SIGLEC5: variants seen among roughly 807,000 people sequenced by gnomAD.
The protein encoded by SIGLEC5 is sialic acid-binding Ig-like lectin 5.
A neutral mutation model predicts 45.9 loss-of-function variants in SIGLEC5; 34 were observed. That is an observed-to-expected ratio of 0.74 (90% CI 0.56 to 0.99). SIGLEC5 has a LOEUF of 0.99. SIGLEC5 is among the 50% of genes least tolerant of loss of function. SIGLEC5 has a pLI of 0.00. For synonymous variants in SIGLEC5, 203 were observed against 258.6 expected (o/e 0.79, Z 2.06); for missense variants, 508 against 629.6 (o/e 0.81, Z 2.07).
At chr19:51,622,502 T>C (rs1020143574) in intron 8 of SIGLEC5, among the ~76,000 whole-genome samples, 11 of 151,374 alleles carry the variant, frequency 7.3e-5, no homozygotes, top group African/African-American at 1.2e-4. Context: ...CAAGATACTA[T>C]TGAAGGAGAT....
chr19:51,628,778 G>A (rs1345128149), intron 4 of SIGLEC5, among the ~76,000 whole-genome samples: 1 of 144,100 alleles, frequency 6.9e-6, no homozygotes, highest in Non-Finnish European at 1.5e-5. Context: ...GTGTGTGTGT[G>A]GTGTATTGCA....
chr19:51,617,847 AAC>A (rs1236712752), intron 8 of SIGLEC5, among the ~76,000 whole-genome samples: 1 of 152,168 alleles, frequency 6.6e-6, no homozygotes, highest in Non-Finnish European at 1.5e-5. Flanking sequence ...TGTTCATAAT[AAC>A]ACAGAACAAA....
In SIGLEC5 at chr19:51,629,048, C is replaced by T. The variant is rs1983623206; in HGVS notation, c.729G>A (p.Arg243=). The change falls in exon 4 of 9, where the codon AGG becomes AGA. Residue 243 remains arginine, a synonymous_variant. Transcript: ENST00000683636. The part of the protein sequence containing the change: ...SYAPQTITIF[R]NGIALEILQN... ...GGAGGTCTTTCCTACCTATGCCGTT[C>T]CTGAAGATGGTGATGGTCTGTGGAG... 1.2e-6 allele frequency: 2 copies of T among 1,613,838 alleles called. No individual in the cohort carries two copies. Among genetic ancestry groups the T allele is most frequent in the Middle Eastern group, 1.7e-4 (1 of 6,058 alleles).
Position 51,612,005 on chromosome 19 carries a change from A to G in SIGLEC5, c.*226T>C, listed in dbSNP as rs576600267. 2.1e-3 allele frequency: 743 copies of G among 346,418 alleles called. 1 individual carries two copies. The highest frequency in any genetic ancestry group is 3.1e-3 in the Admixed American group (66 of 21,176). The allele number at this position is 346,418 out of a possible 1,614,324, so 21.5% of individuals were successfully genotyped here. ...AGCATGCATGATCTCTGATTTACAG[A>G]ATGGGAAACTGAGGCACAGAGGGAT... On this transcript the variant is annotated 3_prime_UTR_variant, in exon 9 of 9. Transcript: ENST00000683636.
In SIGLEC5 at chr19:51,623,078, G is replaced by A. The variant is rs565280022; in HGVS notation, c.1464+2954C>T. On this transcript the variant is annotated intron_variant, in intron 8 of 8. Transcript: ENST00000683636. Reference sequence around the variant, plus strand: ...AACTCAACGGATCAATGCTTGAGGGGCTGGGTACCCAATTCTTCATGAAGT... The same window carrying A: ...AACTCAACGGATCAATGCTTGAGGGACTGGGTACCCAATTCTTCATGAAGT... Among the ~76,000 whole-genome samples the A allele has an allele frequency of 2.6e-5, 4 of 152,256 alleles. No homozygotes were observed. The East Asian group carries it at 7.7e-4, about 29-fold the overall frequency.
chr19:51,627,303 TC>T, intron 6 of SIGLEC5, 55 bp from the exon 7 acceptor site: 1 of 1,578,228 alleles, frequency 6.3e-7, no homozygotes. Flanking sequence ...ACTCTTGTCC[TC>T]CCACCTGCTG....
chr19:51,629,070 G>A lies in SIGLEC5; in HGVS notation c.707C>T (p.Pro236Leu). 1 of 1,613,820 alleles carries A rather than the reference G, an allele frequency of 6.2e-7. No homozygotes were observed. Among genetic ancestry groups the A allele is most frequent in the Non-Finnish European group, 8.5e-7 (1 of 1,179,856 alleles). The change falls in exon 4 of 9, where the codon CCA becomes CTA. Residue 236 changes from proline (P) to leucine (L), a missense_variant. Pro to Leu is a moderately conservative substitution (Grantham distance 98). Coordinates refer to ENST00000683636, the MANE Select transcript of SIGLEC5 (RefSeq NM_003830.4). ...RTVQLNVSYA[P>L]QTITIFRNGI... is the part of the protein sequence containing the mutation. ...GTTCCTGAAGATGGTGATGGTCTGT[G>A]GAGCATCTGGGATAAAAAGATATAA...
chr19:51,627,903 C>G lies in SIGLEC5; in HGVS notation c.928G>C (p.Gly310Arg). Residue 310 changes from glycine (G) to arginine (R), a missense_variant, in exon 5 of 9, where the codon GGA (glycine) becomes CGA (arginine). Transcript: ENST00000683636. ...ELRRVRSAEE[G>R]GFTCRAQHPL... Reference sequence around the variant, plus strand: ...TGCTGAGCGCGGCAGGTGAAGCCTCCTTCTTCTGCAGACCTTACTCGACGA... The same window carrying G: ...TGCTGAGCGCGGCAGGTGAAGCCTCGTTCTTCTGCAGACCTTACTCGACGA... 6.2e-7 allele frequency: 1 copy of G among 1,614,026 alleles called. No homozygotes were observed. Among genetic ancestry groups the G allele is most frequent in the Non-Finnish European group, 8.5e-7 (1 of 1,179,948 alleles).
chr19:51,625,966 T>G, intron 8 of SIGLEC5, 66 bp downstream of exon 8: 11 of 1,315,370 alleles, frequency 8.4e-6, no homozygotes. Flanking sequence ...TTTGGTGGAA[T>G]GCTGAAGAGC....
Position 51,627,845 on chromosome 19 carries a change from A to T in SIGLEC5, c.986T>A (p.Leu329His), listed in dbSNP as rs759247103. 6.2e-7 allele frequency: 1 copy of T among 1,604,700 alleles called. No individual in the cohort carries two copies. The highest frequency in any genetic ancestry group is 1.1e-5 in the South Asian group (1 of 89,688). ...GCCCCCACACTCACAGTAAACTGAG[A>T]GATTCAGAAAAATTTGCAGGAAGCC... ...PLGFLQIFLN[L>H]SVYSLPQLLG... The change falls in exon 5 of 9, where the codon CTC becomes CAC. Residue 329 changes from leucine to histidine, a missense_variant. This residue lies in a region of SIGLEC5 where 431 missense variants were observed against 428.8 expected (regional missense o/e 1.01). Coordinates refer to ENST00000683636, the MANE Select transcript of SIGLEC5 (RefSeq NM_003830.4).
chr19:51,622,876 T>C (rs1156776778), intron 8 of SIGLEC5, among the ~76,000 whole-genome samples: 1 of 152,244 alleles, frequency 6.6e-6, no homozygotes, highest in Non-Finnish European at 1.5e-5. Flanking sequence ...ATGTTTGTCT[T>C]TCTGTGCCTG....
At chr19:51,618,541 C>T (rs973936040) in intron 8 of SIGLEC5, among the ~76,000 whole-genome samples, 13 of 150,520 alleles carry the variant, frequency 8.6e-5, no homozygotes, top group African/African-American at 2.9e-4. Context: ...CCTGTAATCC[C>T]AGCACTTTGG....
chr19:51,622,098 C>CT (rs1381774232), intron 8 of SIGLEC5, among the ~76,000 whole-genome samples: 1 of 152,006 alleles, frequency 6.6e-6, no homozygotes. Context: ...CAACCTGATT[C>CT]TTTTTTGTTT....
intron 8 of SIGLEC5, among the ~76,000 whole-genome samples, chr19:51,617,148 G>A (rs1317815340): frequency 1.3e-5 from 2 of 151,364 alleles, no homozygotes; most frequent in Admixed American, 6.6e-5. Flanking sequence ...CCAACTACTC[G>A]GAGGGCTGAG....
At chr19:51,626,263 G>A in intron 7 of SIGLEC5, 150 bp from the exon 8 acceptor site, 1 of 638,702 alleles carries the variant, frequency 1.6e-6, no homozygotes, top group Non-Finnish European at 2.8e-6. Context: ...CGGAGTGAGG[G>A]CTCCATCCTC....
chr19:51,626,012 A>T lies in SIGLEC5; in HGVS notation c.1464+20T>A. Reference sequence around the variant, plus strand: ...CTTTCCGAGTGGACATGCACATGAGAAGATCCCCAAACCACTCACCGAGGT... The same window carrying T: ...CTTTCCGAGTGGACATGCACATGAGTAGATCCCCAAACCACTCACCGAGGT... On this transcript the variant is annotated intron_variant, in intron 8 of 8. Transcript: ENST00000683636. 1 of 1,605,364 alleles carries T rather than the reference A, an allele frequency of 6.2e-7. No homozygotes were observed. The highest frequency in any genetic ancestry group is 8.5e-7 in the Non-Finnish European group (1 of 1,172,398).
chr19:51,614,852 T>G (rs977663550), intron 8 of SIGLEC5, among the ~76,000 whole-genome samples: 1 of 152,204 alleles, frequency 6.6e-6, no homozygotes, highest in Non-Finnish European at 1.5e-5. Context: ...AAAGTAATAC[T>G]GGGTAACAGT....
intron 4 of SIGLEC5, 90 bp downstream of exon 4, chr19:51,628,948 A>G: frequency 1.5e-6 from 2 of 1,298,272 alleles, no homozygotes; most frequent in Non-Finnish European, 2.2e-6. Flanking sequence ...CTCTTCCCAA[A>G]TCTGATTGCA....
chr19:51,626,795 G>A (rs1027901337), intron 7 of SIGLEC5, among the ~76,000 whole-genome samples: 4 of 152,088 alleles, frequency 2.6e-5, no homozygotes, highest in Admixed American at 6.5e-5. Flanking sequence ...CCATTGACTC[G>A]TACACTTTCA....
Sources: allele counts gnomAD v4.1 joint callset (sites outside exome capture counted in the v4.1 genomes callset), GRCh38; gene constraint gnomAD v4.1.1; regional missense constraint gnomAD v4.1.1; transcripts MANE v1.5; gene names NCBI Gene and HGNC (gene_info 2026-07-23, HGNC 2026-07-21).